Variants in ANO4 observed in about 807,000 individuals in gnomAD.
The protein encoded by ANO4 is anoctamin-4.
ANO4 carries 69 observed loss-of-function variants against 141.9 expected under a neutral mutation model. The observed-to-expected ratio is 0.49, with a 90% CI of 0.40 to 0.59. The LOEUF is 0.59. Among genes scored for constraint, ANO4 ranks in the 20% least tolerant of loss-of-function variants. The pLI, the probability that ANO4 is intolerant of heterozygous loss-of-function variation, is 0.00. For synonymous variants in ANO4, 350 were observed against 394.3 expected, an observed-to-expected ratio of 0.89 and a Z score of 1.33; for missense variants, 894 against 1,162.2, an observed-to-expected ratio of 0.77 and a Z score of 3.36.
intron 3 of ANO4, among the ~76,000 whole-genome samples, chr12:100,761,858 A>G (rs1399456): frequency 0.24 from 36,148 of 151,888 alleles, 4,867 homozygotes; most frequent in East Asian, 0.52. Context: ...CCTAGGTCCT[A>G]GTTTCTCAGC....
intron 10 of ANO4, chr12:101,038,357 T>C (rs1004970906): frequency 6.9e-6 from 1 of 145,588 alleles, no homozygotes; most frequent in African/African-American, 2.6e-5. Context: ...CCCCAGCTCA[T>C]GGTATGGGCT....
chr12:100,825,777 A>G (rs796938334), intron 1 of ANO4, among the ~76,000 whole-genome samples: 21 of 152,218 alleles, frequency 1.4e-4, no homozygotes, highest in African/African-American at 5.1e-4. Flanking sequence ...ATATTCCTGC[A>G]TATATCTTCA....
At chr12:101,083,849 A>G (rs1185002080) in intron 16 of ANO4, 31 bp downstream of exon 16, 4 of 1,519,832 alleles carry the variant, frequency 2.6e-6, no homozygotes, top group Non-Finnish European at 3.5e-6. Context: ...TATTTGTTTC[A>G]TAAAATACAA....
chr12:101,087,378 T>C (rs2049549310), intron 17 of ANO4, among the ~76,000 whole-genome samples: 1 of 150,724 alleles, frequency 6.6e-6, no homozygotes, highest in Non-Finnish European at 1.5e-5. Flanking sequence ...ATTAATTAGC[T>C]GGTCATGGTG....
At chr12:100,887,083 C>T (rs2039870936) in intron 1 of ANO4, among the ~76,000 whole-genome samples, 1 of 152,194 alleles carries the variant, frequency 6.6e-6, no homozygotes, top group Admixed American at 6.5e-5. Flanking sequence ...GGCTAAGTGA[C>T]AAAAATCTTA....
chr12:100,785,778 G>A (rs754569599), intron 3 of ANO4, among the ~76,000 whole-genome samples: 3 of 152,154 alleles, frequency 2.0e-5, no homozygotes, highest in Non-Finnish European at 4.4e-5. Flanking sequence ...TATGATTGCT[G>A]GATCGTAAGG....
At chr12:100,951,838 A>G (rs1001127398) in intron 5 of ANO4, among the ~76,000 whole-genome samples, 1 of 152,194 alleles carries the variant, frequency 6.6e-6, no homozygotes, top group African/African-American at 2.4e-5. Context: ...CCCTATTGGC[A>G]TTTAGGGCTG....
chr12:101,020,027 T>C lies in ANO4; in HGVS notation c.735-7T>C. On this transcript the variant is annotated splice_region_variant and splice_polypyrimidine_tract_variant and intron_variant, in intron 8 of 27. Coordinates refer to ENST00000392977, the MANE Select transcript of ANO4 (RefSeq NM_001286615.2). ...TCTCAACTTGTATTTTTAATATATG[T>C]ATGCAGCTTCATCATACACAACAAA... 1 of 1,597,866 alleles carries C rather than the reference T, an allele frequency of 6.3e-7. No individual in the cohort carries two copies. The highest frequency in any genetic ancestry group is 8.6e-7 in the Non-Finnish European group (1 of 1,166,000).
intron 5 of ANO4, among the ~76,000 whole-genome samples, chr12:100,954,304 C>T (rs942093509): frequency 6.6e-6 from 1 of 152,104 alleles, no homozygotes; most frequent in African/African-American, 2.4e-5. Context: ...CCTGAAGCAC[C>T]ACAGCAGCAG....
intron 1 of ANO4, among the ~76,000 whole-genome samples, chr12:100,879,356 A>G (rs139171160): frequency 0.016 from 2,375 of 152,280 alleles, 18 homozygotes; most frequent in Non-Finnish European, 0.023. Context: ...TTCAACTTCC[A>G]CTAATGGAGA....
chr12:101,008,741 A>C (rs2045965968), intron 8 of ANO4, among the ~76,000 whole-genome samples: 2 of 152,208 alleles, frequency 1.3e-5, no homozygotes, highest in Non-Finnish European at 2.9e-5. Context: ...GAGTTTACCT[A>C]AATTGTCTAA....
At chr12:100,828,060 T>G (rs1490066644) in intron 1 of ANO4, among the ~76,000 whole-genome samples, 1 of 152,004 alleles carries the variant, frequency 6.6e-6, no homozygotes, top group Non-Finnish European at 1.5e-5. Context: ...AAAAATTTTT[T>G]TTTGATTAAT....
intron 1 of ANO4, among the ~76,000 whole-genome samples, chr12:100,723,489 G>A (rs1187436142): frequency 2.6e-5 from 4 of 152,096 alleles, no homozygotes; most frequent in South Asian, 2.1e-4. Flanking sequence ...TCCCATCACC[G>A]GGGGCCCATC....
At chr12:100,990,281 G>A (rs1260356559) in intron 8 of ANO4, among the ~76,000 whole-genome samples, 1 of 152,134 alleles carries the variant, frequency 6.6e-6, no homozygotes, top group African/African-American at 2.4e-5. Flanking sequence ...TATGGAAGAG[G>A]AGGGTTTCCC....
chr12:101,083,736 T>C lies in ANO4; in HGVS notation c.1454T>C (p.Ile485Thr). The change falls in exon 16 of 28, where the codon ATT (isoleucine) becomes ACT (threonine). Residue 485 changes from isoleucine to threonine, a missense_variant. Transcript: ENST00000392977. ...TCCAAGAAAGAGCGGATGAATCCAA[T>C]TTCTGGAAAGCCAGAACCTTATCAA... is the stretch of plus-strand genomic sequence containing the variant. ...KYSKKERMNP[I>T]SGKPEPYQAF... 1.9e-6 allele frequency: 3 copies of C among 1,608,506 alleles called. No homozygotes were observed. The highest frequency in any genetic ancestry group is 1.7e-6 in the Non-Finnish European group (2 of 1,178,764).
At chr12:100,885,849 C>T (rs2135971158) in intron 1 of ANO4, among the ~76,000 whole-genome samples, 1 of 152,288 alleles carries the variant, frequency 6.6e-6, no homozygotes, top group South Asian at 2.1e-4. Context: ...CAAAGAACTC[C>T]AGCTGGACGC....
At chr12:100,737,551 C>T (rs1208427790) in intron 2 of ANO4, among the ~76,000 whole-genome samples, 3 of 152,156 alleles carry the variant, frequency 2.0e-5, no homozygotes, top group Non-Finnish European at 4.4e-5. Flanking sequence ...AGCCTTGTGT[C>T]CTGGGTCACA....
At chr12:100,869,099 T>G (rs1433443417) in intron 1 of ANO4, among the ~76,000 whole-genome samples, 5 of 152,172 alleles carry the variant, frequency 3.3e-5, no homozygotes, top group Non-Finnish European at 7.4e-5. Flanking sequence ...TGCCACTCCC[T>G]GGTACTCAAC....
At chr12:101,088,729 A>T (rs941412863) in intron 17 of ANO4, among the ~76,000 whole-genome samples, 4 of 151,890 alleles carry the variant, frequency 2.6e-5, no homozygotes, top group Non-Finnish European at 1.5e-5. Context: ...ATCTCTACAA[A>T]CAAAATTTTT....
Sources: allele counts gnomAD v4.1 joint callset (sites outside exome capture counted in the v4.1 genomes callset), GRCh38; gene constraint gnomAD v4.1.1; transcripts MANE v1.5; gene names NCBI Gene and HGNC (gene_info 2026-07-23, HGNC 2026-07-21).